The following GTF2IRD1 variants were observed in gnomAD, a reference collection of about 807,000 sequenced individuals.
GTF2IRD1 encodes the protein GTF2I repeat domain containing 1, also known as general transcription factor II-I repeat domain-containing protein 1.
Under a neutral mutation model 113.2 loss-of-function variants are expected in GTF2IRD1, and 26 were observed. The ratio of observed to expected loss-of-function variants is 0.23; its 90% CI spans 0.17 to 0.32. The LOEUF (loss-of-function observed/expected upper bound fraction) is 0.32, where lower values mean the gene tolerates loss of function less well. Among genes scored for constraint, GTF2IRD1 ranks in the 10% least tolerant of loss-of-function variants. The pLI, the probability that GTF2IRD1 is intolerant of heterozygous loss-of-function variation, is 1.00. For synonymous variants in GTF2IRD1, 484 were observed against 529.1 expected (o/e 0.91, Z 1.17); for missense variants, 864 against 1,280.8 (o/e 0.67, Z 4.97).
At chr7:74,467,958 C>T (rs1219311753) in intron 1 of GTF2IRD1, among the ~76,000 whole-genome samples, 1 of 152,154 alleles carries the variant, frequency 6.6e-6, no homozygotes, top group African/African-American at 2.4e-5. Context: ...TATTTAGACA[C>T]ACATGCTTGT....
chr7:74,562,026 C>T (rs1192019297), intron 22 of GTF2IRD1, among the ~76,000 whole-genome samples: 1 of 152,190 alleles, frequency 6.6e-6, no homozygotes, highest in African/African-American at 2.4e-5. Context: ...CAGGTATCCA[C>T]ACTTACTCAT....
rs79683992 is a variant in GTF2IRD1 at position 74,479,668 on chromosome 7, C to T, written c.-7+25492C>T. Among the ~76,000 whole-genome samples the T allele has an allele frequency of 9.4e-3, 1,430 of 152,116 alleles. 11 individuals are homozygous for T. Among genetic ancestry groups the T allele is most frequent in the Non-Finnish European group, 0.012 (808 of 68,010 alleles). ...GCCCCACCCTGACTGCCTCACCCGC[C>T]GTCCTGGGCTTCTTCCATGCCACTT... On this transcript the variant is annotated intron_variant, in intron 1 of 26. Coordinates refer to ENST00000424337, the MANE Select transcript of GTF2IRD1 (RefSeq NM_005685.4).
In GTF2IRD1 at chr7:74,467,094, A is replaced by G. The variant is rs919522818; in HGVS notation, c.-7+12918A>G. Among the ~76,000 whole-genome samples, 36 of 151,614 alleles carry G rather than the reference A, an allele frequency of 2.4e-4. 1 individual carries two copies. Among genetic ancestry groups the G allele is most frequent in the African/African-American group, 8.5e-4 (35 of 41,238 alleles). On this transcript the variant is annotated intron_variant, in intron 1 of 26. Transcript: ENST00000424337. Reference sequence around the variant, plus strand: ...CTCCCCAGTAGCTGGGACCACATGCACCTGCCAACACACCCGGCTAGTTTT... The same window carrying G: ...CTCCCCAGTAGCTGGGACCACATGCGCCTGCCAACACACCCGGCTAGTTTT...
intron 1 of GTF2IRD1, among the ~76,000 whole-genome samples, chr7:74,471,695 AAAAAAAC>A (rs1794110981): frequency 1.1e-5 from 1 of 88,634 alleles, no homozygotes; most frequent in Non-Finnish European, 2.6e-5. Context: ...AAAAACAAAA[AAAAAAAC>A]AAAAAAAACG....
chr7:74,576,776 A>G (rs587723167), intron 22 of GTF2IRD1, among the ~76,000 whole-genome samples: 1 of 147,686 alleles, frequency 6.8e-6, no homozygotes, highest in South Asian at 2.2e-4. Context: ...ATATGCCAAC[A>G]TGCCCGGCTA....
intron 1 of GTF2IRD1, among the ~76,000 whole-genome samples, chr7:74,468,706 G>GTGTT: frequency 6.7e-6 from 1 of 149,582 alleles, no homozygotes; most frequent in East Asian, 2.0e-4. Context: ...GTGTGTGTGT[G>GTGTT]TGTGTGTGTG....
At chr7:74,483,857 TA>T (rs1386341070) in intron 1 of GTF2IRD1, among the ~76,000 whole-genome samples, 79 of 147,158 alleles carry the variant, frequency 5.4e-4, no homozygotes, top group Non-Finnish European at 6.6e-4. Flanking sequence ...TCTGTCTCTT[TA>T]AAAAAAAAAA....
intron 1 of GTF2IRD1, among the ~76,000 whole-genome samples, chr7:74,500,120 A>AAGGGCT (rs1795942489): frequency 6.6e-6 from 1 of 152,174 alleles, no homozygotes; most frequent in African/African-American, 2.4e-5. Flanking sequence ...TGCATGGTGT[A>AAGGGCT]AGGGCTTGGG....
chr7:74,553,068 C>T (rs1241068185), intron 17 of GTF2IRD1, among the ~76,000 whole-genome samples: 1 of 152,152 alleles, frequency 6.6e-6, no homozygotes, highest in Non-Finnish European at 1.5e-5. Context: ...GAACTCCTAA[C>T]CTTAAGTGAT....
At chr7:74,556,620 C>CTTTTT (rs782679644) in intron 19 of GTF2IRD1, among the ~76,000 whole-genome samples, 3 of 107,176 alleles carry the variant, frequency 2.8e-5, no homozygotes, top group Non-Finnish European at 5.6e-5. Context: ...CTGCACCCAG[C>CTTTTT]TTTTTTTTTT....
At chr7:74,578,712 A>G (rs587658924) in intron 22 of GTF2IRD1, among the ~76,000 whole-genome samples, 16 of 152,278 alleles carry the variant, frequency 1.1e-4, no homozygotes, top group Non-Finnish European at 1.6e-4. Flanking sequence ...ATTAACACTT[A>G]TAGCCGGGCA....
intron 9 of GTF2IRD1, among the ~76,000 whole-genome samples, chr7:74,531,848 T>G (rs1207168581): frequency 1.3e-5 from 2 of 152,100 alleles, no homozygotes; most frequent in African/African-American, 4.8e-5. Flanking sequence ...TTATTGGTGG[T>G]ACAGCTCTCT....
In GTF2IRD1 at chr7:74,602,510, A is replaced by G; in HGVS notation, c.*77A>G. On this transcript the variant is annotated 3_prime_UTR_variant, in exon 27 of 27. Transcript: ENST00000424337. ...TTATGTACAAAATGTATATTCGGAT[A>G]TGTATCGATGCCTTTTAGTTTTTCC... The G allele has an allele frequency of 2.5e-6, 3 of 1,200,134 alleles. No individual in the cohort carries two copies. The highest frequency in any genetic ancestry group is 3.7e-6 in the Non-Finnish European group (3 of 814,862). 74.3% of individuals were successfully genotyped at this position (1,200,134 alleles called of 1,614,324 possible).
At chr7:74,460,524 G>A (rs1793292810) in intron 1 of GTF2IRD1, among the ~76,000 whole-genome samples, 1 of 152,086 alleles carries the variant, frequency 6.6e-6, no homozygotes, top group Non-Finnish European at 1.5e-5. Context: ...TGGGATTACA[G>A]GCAGTATCCT....
intron 12 of GTF2IRD1, 43 bp downstream of exon 12, chr7:74,538,216 G>A (rs1562848902): frequency 6.3e-7 from 1 of 1,596,248 alleles, no homozygotes; most frequent in Non-Finnish European, 8.6e-7. Flanking sequence ...TGGGCCGGGA[G>A]GGCAACCACC....
rs970844178 is a variant in GTF2IRD1 at position 74,508,308 on chromosome 7, G to C, written c.123+105G>C. The C allele has an allele frequency of 2.4e-5, 30 of 1,260,982 alleles. No homozygotes were observed. The East Asian group carries it at 6.9e-4, about 29-fold the overall frequency. The allele number at this position is 1,260,982 out of a possible 1,614,324, so 78.1% of individuals were successfully genotyped here. ...TACTCGAAGGAGCTTTCACTGACCT[G>C]AACCTCAGTTTATCTGACTGCAGCT... On this transcript the variant is annotated intron_variant, in intron 2 of 26. Transcript: ENST00000424337.
At chr7:74,482,053 C>A (rs1199793161) in intron 1 of GTF2IRD1, among the ~76,000 whole-genome samples, 2 of 152,070 alleles carry the variant, frequency 1.3e-5, no homozygotes, top group Non-Finnish European at 2.9e-5. Context: ...GCCCTAGTGA[C>A]AGCATGGGGT....
chr7:74,574,396 G>C (rs902918638), intron 22 of GTF2IRD1, among the ~76,000 whole-genome samples: 1 of 150,244 alleles, frequency 6.7e-6, no homozygotes, highest in Non-Finnish European at 1.5e-5. Context: ...TCACCGCCTT[G>C]GTTTCCCAAA....
intron 21 of GTF2IRD1, 55 bp downstream of exon 21, chr7:74,559,099 T>A: frequency 2.7e-6 from 4 of 1,477,684 alleles, no homozygotes; most frequent in Non-Finnish European, 3.7e-6. Context: ...GATGGGAGCT[T>A]GCACCTGCGA....
Sources: gnomAD v4.1 joint callset for allele counts (sites outside exome capture counted in the v4.1 genomes callset) on GRCh38, gnomAD v4.1.1 for gene constraint, MANE v1.5 for transcripts, NCBI Gene and HGNC (gene_info 2026-07-23, HGNC 2026-07-21) for gene names.